Variants in TENM2 observed in about 807,000 individuals in gnomAD.
TENM2 encodes teneurin-2.
In TENM2, 52 loss-of-function variants were observed where a neutral mutation model predicts 245.2. The observed-to-expected ratio is 0.21, with a 90% CI of 0.17 to 0.27. The LOEUF is 0.27. Ranked by LOEUF, TENM2 falls within the 10% of genes least tolerant of loss-of-function variation. The pLI is 1.00. For missense variants in TENM2, 3,046 were observed against 3,666.8 expected (o/e 0.83, Z 4.37); for synonymous variants, 1,363 against 1,438.9 (o/e 0.95, Z 1.19).
chr5:167,634,627 T>C (rs539230951), intron 2 of TENM2, among the ~76,000 whole-genome samples: 1 of 152,162 alleles, frequency 6.6e-6, no homozygotes, highest in South Asian at 2.1e-4. Flanking sequence ...ACCAGCTCCA[T>C]AAAGAAAATT....
At chr5:168,114,284 A>G (rs1794898021) in intron 9 of TENM2, among the ~76,000 whole-genome samples, 1 of 152,204 alleles carries the variant, frequency 6.6e-6, no homozygotes, top group African/African-American at 2.4e-5. Flanking sequence ...CTGGTAAGGT[A>G]CAGGTTTGGT....
intron 12 of TENM2, among the ~76,000 whole-genome samples, chr5:168,144,866 G>A (rs1755901425): frequency 6.6e-6 from 1 of 150,432 alleles, no homozygotes; most frequent in Non-Finnish European, 1.5e-5. Flanking sequence ...TTTAATGATT[G>A]CCATTCTAAC....
chr5:167,660,312 A>T (rs1014288686), intron 2 of TENM2: 4 of 151,798 alleles, frequency 2.6e-5, no homozygotes, highest in Non-Finnish European at 5.9e-5. Flanking sequence ...AATACAAAAA[A>T]AAATTAGCCA....
chr5:167,773,977 G>C (rs1582972846), intron 2 of TENM2, among the ~76,000 whole-genome samples: 1 of 152,062 alleles, frequency 6.6e-6, no homozygotes, highest in Admixed American at 6.6e-5. Flanking sequence ...AAAGCTGAAG[G>C]GTTCTCGACT....
At chr5:167,655,158 T>C (rs1754760003) in intron 2 of TENM2, among the ~76,000 whole-genome samples, 1 of 152,128 alleles carries the variant, frequency 6.6e-6, no homozygotes, top group South Asian at 2.1e-4. Context: ...GAAAAGGTTT[T>C]ACAAAGAAAT....
At chr5:167,767,642 G>A (rs1192364752) in intron 2 of TENM2, among the ~76,000 whole-genome samples, 2 of 152,196 alleles carry the variant, frequency 1.3e-5, no homozygotes, top group Non-Finnish European at 2.9e-5. Context: ...AAAGAGAAGA[G>A]GCTACTGCTG....
intron 5 of TENM2, chr5:168,033,046 AAAGTTTTT>A (rs988533343): frequency 1.3e-5 from 2 of 152,206 alleles, no homozygotes; most frequent in African/African-American, 2.4e-5. Context: ...TAAATTGATT[AAAGTTTTT>A]AAAAAATAGA....
chr5:167,281,965 A>G (rs1308949807), upstream of TENM2, among the ~76,000 whole-genome samples: 3 of 145,160 alleles, frequency 2.1e-5, no homozygotes, highest in Non-Finnish European at 3.0e-5. Flanking sequence ...ACGCCTCTGC[A>G]CTCCAACCTG....
chr5:167,835,205 A>G (rs554901674), intron 2 of TENM2, among the ~76,000 whole-genome samples: 1 of 152,306 alleles, frequency 6.6e-6, no homozygotes, highest in Admixed American at 6.5e-5. Context: ...ATCTACTTAG[A>G]GAAGGTTCTA....
chr5:168,086,714 G>A (rs1189118031), intron 7 of TENM2, among the ~76,000 whole-genome samples: 1 of 152,148 alleles, frequency 6.6e-6, no homozygotes, highest in East Asian at 1.9e-4. Context: ...AGTCAACGAG[G>A]CACAGTTTGG....
rs1562320605 is a variant in TENM2 at position 168,238,184 on chromosome 5, AGGGAGGGAGGGAGGGAGG to A, written c.5521-6234_5521-6217del. On this transcript the variant is annotated intron_variant, in intron 25 of 28. Coordinates refer to ENST00000518659, the Ensembl canonical transcript of TENM2. ...GAGAGAGAGAGAGAGAGAGAGAGAG[AGGGAGGGAGGGAGGGAGG>A]GAGGGAGGGAGGGAGAGAGAAGAAA... Among the ~76,000 whole-genome samples the A allele has an allele frequency of 1.6e-3, 55 of 33,908 alleles. 3 individuals are homozygous for A. The highest frequency in any genetic ancestry group is 0.015 in the African/African-American group (53 of 3,640). 22.2% of individuals were successfully genotyped at this position (33,908 alleles called of 152,430 possible).
intron 1 of TENM2, among the ~76,000 whole-genome samples, chr5:167,331,003 C>T (rs1016800168): frequency 1.3e-5 from 2 of 151,712 alleles, no homozygotes; most frequent in Non-Finnish European, 2.9e-5. Flanking sequence ...TTTGGGAGGC[C>T]GAGGAGGGCA....
intron 1 of TENM2, among the ~76,000 whole-genome samples, chr5:167,356,310 G>T (rs1402799698): frequency 6.6e-6 from 1 of 151,296 alleles, no homozygotes; most frequent in Non-Finnish European, 1.5e-5. Context: ...CTTCTGGAAA[G>T]CCCAGAAACC....
chr5:167,356,217 A>AAAAAAAAAAAAAAAAAAAAGAAAAATT (rs1759321624), intron 1 of TENM2, among the ~76,000 whole-genome samples: 6 of 129,100 alleles, frequency 4.6e-5, no homozygotes, highest in African/African-American at 1.6e-4. Context: ...AAAAAAAAAA[A>AAAAAAAAAAAAAAAAAAAAGAAAAATT]AAAATTAAAA....
rs561863235 is a variant in TENM2 at position 167,431,204 on chromosome 5, C to A, written c.502+55731C>A. Among the ~76,000 whole-genome samples the A allele has an allele frequency of 2.3e-4, 35 of 152,180 alleles. 1 individual carries two copies. The South Asian group carries it at 6.2e-3, about 27-fold the overall frequency. On this transcript the variant is annotated intron_variant, in intron 2 of 28. Transcript: ENST00000518659. The stretch of plus-strand genomic sequence containing the variant: ...AGGTCATTAAGACAATTATCAATTT[C>A]TTTTTATCTGAACCATTACATATGG...
At chr5:167,834,711 G>T (rs773314682) in intron 2 of TENM2, among the ~76,000 whole-genome samples, 1 of 149,072 alleles carries the variant, frequency 6.7e-6, no homozygotes, top group Non-Finnish European at 1.5e-5. Flanking sequence ...ATGCAGTGGC[G>T]CGATCTCGGC....
At chr5:167,918,649 G>A (rs1024958954) in intron 3 of TENM2, among the ~76,000 whole-genome samples, 2 of 152,166 alleles carry the variant, frequency 1.3e-5, no homozygotes, top group Non-Finnish European at 2.9e-5. Context: ...TGGAAGCTGA[G>A]ATGGTGACCT....
At chr5:167,806,638 T>C (rs748286513) in intron 2 of TENM2, among the ~76,000 whole-genome samples, 10 of 152,056 alleles carry the variant, frequency 6.6e-5, no homozygotes, top group Non-Finnish European at 1.3e-4. Context: ...AAATCCACAA[T>C]ATCATGCTTA....
intron 2 of TENM2, among the ~76,000 whole-genome samples, chr5:167,379,952 A>G (rs1204806968): frequency 6.6e-6 from 1 of 150,494 alleles, no homozygotes; most frequent in Non-Finnish European, 1.5e-5. Flanking sequence ...AAAACCCAGA[A>G]CAAAGTTTTA....
Sources: gnomAD v4.1 joint callset for allele counts (sites outside exome capture counted in the v4.1 genomes callset) on GRCh38, gnomAD v4.1.1 for gene constraint, MANE v1.5 for transcripts, NCBI Gene and HGNC (gene_info 2026-07-23, HGNC 2026-07-21) for gene names.